Variants in LAMA2 observed in about 807,000 individuals in gnomAD.
The protein encoded by LAMA2 is laminin subunit alpha-2.
LAMA2 carries 269 observed loss-of-function variants against 364.8 expected under a neutral mutation model. The ratio of observed to expected loss-of-function variants is 0.74; its 90% CI spans 0.67 to 0.82. LAMA2 has a LOEUF of 0.82. Among genes scored for constraint, LAMA2 ranks in the 40% least tolerant of loss-of-function variants. LAMA2 has a pLI of 0.00. For synonymous variants in LAMA2, 1,379 were observed against 1,370.6 expected, an observed-to-expected ratio of 1.01 and a Z score of -0.14; for missense variants, 3,807 against 3,873.2, an observed-to-expected ratio of 0.98 and a Z score of 0.45.
chr6:129,075,802 AG>A (rs1177716057), intron 3 of LAMA2, among the ~76,000 whole-genome samples: 1 of 152,026 alleles, frequency 6.6e-6, no homozygotes, highest in African/African-American at 2.4e-5. Context: ...GAAGCATTCG[AG>A]TGGTGCCAGG....
At chr6:129,399,604 G>C (rs1049318763) in intron 37 of LAMA2, among the ~76,000 whole-genome samples, 13 of 152,196 alleles carry the variant, frequency 8.5e-5, no homozygotes, top group Admixed American at 3.3e-4. Flanking sequence ...CTAGTACATA[G>C]AGAATGATTG....
chr6:129,341,498 A>G (rs905051724), intron 29 of LAMA2, among the ~76,000 whole-genome samples: 1 of 152,190 alleles, frequency 6.6e-6, no homozygotes, highest in Non-Finnish European at 1.5e-5. Context: ...ACAAGATAAC[A>G]TTCAATGTTG....
chr6:129,371,756 G>A (rs1778098264), intron 34 of LAMA2, among the ~76,000 whole-genome samples: 1 of 151,830 alleles, frequency 6.6e-6, no homozygotes, highest in Admixed American at 6.6e-5. Flanking sequence ...ACAGGTGTGT[G>A]CCACCACACC....
At chr6:129,218,748 A>C (rs1190248149) in intron 12 of LAMA2, among the ~76,000 whole-genome samples, 1 of 152,164 alleles carries the variant, frequency 6.6e-6, no homozygotes, top group Non-Finnish European at 1.5e-5. Context: ...CTTCTAAAAC[A>C]TTTCAGTGTT....
At chr6:129,089,809 A>G (rs1057496837) in intron 3 of LAMA2, among the ~76,000 whole-genome samples, 2 of 152,138 alleles carry the variant, frequency 1.3e-5, no homozygotes, top group Admixed American at 1.3e-4. Flanking sequence ...CTGAGGGAGG[A>G]CCTTATTCAT....
chr6:129,084,031 G>C (rs577437059), intron 3 of LAMA2, among the ~76,000 whole-genome samples: 13 of 152,254 alleles, frequency 8.5e-5, no homozygotes, highest in African/African-American at 2.9e-4. Flanking sequence ...TAAGTTAAAG[G>C]CCGGCACAAT....
At chr6:129,478,011 C>A (rs1784159942) in intron 53 of LAMA2, among the ~76,000 whole-genome samples, 1 of 139,636 alleles carries the variant, frequency 7.2e-6, no homozygotes, top group Non-Finnish European at 1.6e-5. Flanking sequence ...CTGGTCTTGT[C>A]TTGAACTCGT....
chr6:129,219,340 A>G (rs1562344045), intron 12 of LAMA2, among the ~76,000 whole-genome samples: 1 of 152,070 alleles, frequency 6.6e-6, no homozygotes, highest in Admixed American at 6.6e-5. Context: ...GATGCTGGAG[A>G]GGATGTGGAG....
At chr6:129,186,759 A>G (rs993754779) in intron 10 of LAMA2, among the ~76,000 whole-genome samples, 1 of 151,668 alleles carries the variant, frequency 6.6e-6, no homozygotes, top group Non-Finnish European at 1.5e-5. Context: ...CCACCTTGTA[A>G]TATAATTATC....
chr6:129,146,663 A>AT (rs1338823387), intron 5 of LAMA2, among the ~76,000 whole-genome samples: 1 of 152,044 alleles, frequency 6.6e-6, no homozygotes, highest in African/African-American at 2.4e-5. Context: ...TTAGCCCCAG[A>AT]TAAAAACTAC....
At position 129,167,956 on chromosome 6, in the gene LAMA2, T is replaced by A. The variant is rs202114141; in HGVS notation, c.1306+2281T>A. Among the ~76,000 whole-genome samples, 111 of 151,044 alleles carry A rather than the reference T, an allele frequency of 7.3e-4. 1 individual carries two copies. The East Asian group carries it at 0.016, about 22-fold the overall frequency. On this transcript the variant is annotated intron_variant, in intron 9 of 64. Transcript: ENST00000421865. ...TTCATGTGTTTTTTGGCTGCATAAA[T>A]GTCTTCTTTTGAGAAGTGTCTGTTC...
chr6:129,500,594 T>C (rs1785553539), intron 58 of LAMA2, among the ~76,000 whole-genome samples: 15 of 152,222 alleles, frequency 9.9e-5, no homozygotes, highest in Admixed American at 9.8e-4. Context: ...AAAAGAACTT[T>C]GACAAAGTCC....
intron 4 of LAMA2, among the ~76,000 whole-genome samples, chr6:129,139,521 A>T (rs982385373): frequency 6.6e-6 from 1 of 152,148 alleles, no homozygotes; most frequent in Non-Finnish European, 1.5e-5. Flanking sequence ...TTATATGCAC[A>T]TACTATGCCA....
intron 61 of LAMA2, 60 bp from the exon 62 acceptor site, chr6:129,507,429 T>C: frequency 6.4e-7 from 1 of 1,569,574 alleles, no homozygotes. Flanking sequence ...GACTGTATTC[T>C]ACATAAAGGC....
intron 17 of LAMA2, among the ~76,000 whole-genome samples, chr6:129,278,030 C>T (rs1165940484): frequency 6.6e-6 from 1 of 151,920 alleles, no homozygotes; most frequent in Non-Finnish European, 1.5e-5. Context: ...GGTGAGACCC[C>T]ATTTCTACTA....
chr6:129,005,486 T>C (rs1200386629), intron 1 of LAMA2, among the ~76,000 whole-genome samples: 1 of 151,998 alleles, frequency 6.6e-6, no homozygotes, highest in East Asian at 1.9e-4. Context: ...ATCTTGATAC[T>C]TGTATTTTAC....
intron 12 of LAMA2, among the ~76,000 whole-genome samples, chr6:129,228,372 A>C (rs265336): frequency 0.6 from 91,496 of 151,886 alleles, 31,386 homozygotes; most frequent in Non-Finnish European, 0.76. Context: ...AGTGAGGTGA[A>C]CCTGGTACCT....
At position 128,883,219 on chromosome 6, in the gene LAMA2, G is replaced by A; in HGVS notation, c.-27G>A. On this transcript the variant is annotated 5_prime_UTR_variant, in exon 1 of 65. Coordinates refer to ENST00000421865, the MANE Select transcript of LAMA2 (RefSeq NM_000426.4). ...CGGCAGCGACTCCTCTGGCTCCCGA[G>A]AAGTGGATCCGGTCGCGGCCACTAC... 1.9e-6 allele frequency: 3 copies of A among 1,547,042 alleles called. No homozygotes were observed. Among genetic ancestry groups the A allele is most frequent in the Non-Finnish European group, 2.6e-6 (3 of 1,146,702 alleles).
At chr6:129,133,310 A>C (rs1777595136) in intron 4 of LAMA2, among the ~76,000 whole-genome samples, 1 of 152,218 alleles carries the variant, frequency 6.6e-6, no homozygotes, top group African/African-American at 2.4e-5. Context: ...GAATGCGGAG[A>C]AACTTGACCA....
Sources: allele counts gnomAD v4.1 joint callset (sites outside exome capture counted in the v4.1 genomes callset), GRCh38; gene constraint gnomAD v4.1.1; transcripts MANE v1.5; gene names NCBI Gene and HGNC (gene_info 2026-07-23, HGNC 2026-07-21).